PCDHA2: variants seen among roughly 807,000 people sequenced by gnomAD.
PCDHA2 encodes protocadherin alpha-2.
Under a neutral mutation model 66.0 loss-of-function variants are expected in PCDHA2, and 58 were observed. The ratio of observed to expected loss-of-function variants is 0.88; its 90% CI spans 0.71 to 1.09. PCDHA2 has a LOEUF of 1.09. PCDHA2 is among the 50% of genes least tolerant of loss of function. The pLI is 0.00. For synonymous variants in PCDHA2, 634 were observed against 554.0 expected (o/e 1.14, Z -2.03); for missense variants, 1,267 against 1,242.3 (o/e 1.02, Z -0.30).
At chr5:140,808,056 AATCCAAGTTTCACATAG>A in intron 1 of PCDHA2, 1 of 1,614,090 alleles carries the variant, frequency 6.2e-7, no homozygotes, top group South Asian at 1.1e-5. Flanking sequence ...CCAAATGTGA[AATCCAAGTTTCACATAG>A]ATCCAATTAC....
intron 1 of PCDHA2, chr5:140,928,126 C>T (rs782461261): frequency 1.2e-6 from 2 of 1,614,176 alleles, no homozygotes; most frequent in Non-Finnish European, 1.7e-6. Context: ...CAGTGAATAC[C>T]AAGTCCTGAT....
chr5:140,827,921 A>G (rs2150149765), intron 1 of PCDHA2: 1 of 938,742 alleles, frequency 1.1e-6, no homozygotes, highest in East Asian at 2.4e-5. Context: ...GTCGCTGTCT[A>G]CCATGAAGTT....
chr5:140,864,489 A>C (rs1194272327), intron 1 of PCDHA2: 1 of 152,184 alleles, frequency 6.6e-6, no homozygotes, highest in Admixed American at 6.5e-5. Flanking sequence ...CAGTGGGTGG[A>C]ATTTTAGCCT....
chr5:140,946,806 T>A (rs965284033), intron 1 of PCDHA2, among the ~76,000 whole-genome samples: 20 of 151,184 alleles, frequency 1.3e-4, no homozygotes, highest in African/African-American at 4.6e-4. Context: ...GCAGAGAGTA[T>A]AACAGTGATT....
At chr5:140,997,335 A>G (rs2097768018) in intron 3 of PCDHA2, among the ~76,000 whole-genome samples, 1 of 152,230 alleles carries the variant, frequency 6.6e-6, no homozygotes, top group African/African-American at 2.4e-5. Context: ...TTCGTTGTAC[A>G]AATATCATAG....
At chr5:140,854,870 CTG>C (rs2043251909) in intron 1 of PCDHA2, among the ~76,000 whole-genome samples, 1 of 149,668 alleles carries the variant, frequency 6.7e-6, no homozygotes, top group African/African-American at 2.4e-5. Flanking sequence ...TATTTCAGAA[CTG>C]TGTCTTTTGG....
intron 1 of PCDHA2, chr5:140,857,099 G>C (rs2044359336): frequency 1.9e-6 from 3 of 1,597,240 alleles, no homozygotes; most frequent in Non-Finnish European, 2.6e-6. Context: ...TGAGGTGATT[G>C]TCACTTCTCT....
chr5:140,965,260 G>A (rs1188138728), intron 1 of PCDHA2, among the ~76,000 whole-genome samples: 1 of 152,202 alleles, frequency 6.6e-6, no homozygotes, highest in Non-Finnish European at 1.5e-5. Context: ...GAACTGAGCA[G>A]CAGAGGCAAT....
chr5:140,904,423 T>TTA (rs1304104435), intron 1 of PCDHA2, among the ~76,000 whole-genome samples: 1 of 151,090 alleles, frequency 6.6e-6, no homozygotes. Flanking sequence ...TACATATATT[T>TTA]TATATATATG....
At chr5:140,966,968 G>T in intron 1 of PCDHA2, 1 of 1,602,616 alleles carries the variant, frequency 6.2e-7, no homozygotes. Context: ...GCTGGGGCTT[G>T]AGCTGCGGCG....
At chr5:140,890,627 G>A (rs1562851697) in intron 1 of PCDHA2, among the ~76,000 whole-genome samples, 1 of 152,056 alleles carries the variant, frequency 6.6e-6, no homozygotes, top group Non-Finnish European at 1.5e-5. Flanking sequence ...AGAAAATTAA[G>A]CATGTATCCT....
At position 140,796,344 on chromosome 5, in the gene PCDHA2, C is replaced by T; in HGVS notation, c.1380C>T (p.Tyr460=). The T allele has an allele frequency of 6.2e-7, 1 of 1,611,278 alleles. No individual in the cohort carries two copies. The highest frequency in any genetic ancestry group is 1.7e-5 in the Admixed American group (1 of 59,786). ...CGCCGGCGTTCGCACAGCCTGAGTA[C>T]ACAGTATTCGTGAAGGAGAACAACC... ...DNAPAFAQPE[Y]TVFVKENNPP... Residue 460 remains tyrosine, a synonymous_variant, in exon 1 of 4, where the codon TAC becomes TAT. Transcript: ENST00000526136.
intron 1 of PCDHA2, among the ~76,000 whole-genome samples, chr5:140,907,645 T>C (rs2073515740): frequency 1.3e-5 from 2 of 152,328 alleles, no homozygotes; most frequent in South Asian, 4.1e-4. Flanking sequence ...TGCTGGCAAA[T>C]TGGGCACTCA....
At chr5:140,855,432 A>T (rs2043465166) in intron 1 of PCDHA2, among the ~76,000 whole-genome samples, 1 of 150,022 alleles carries the variant, frequency 6.7e-6, no homozygotes, top group Non-Finnish European at 1.5e-5. Context: ...TCTAGTGATG[A>T]CTAGATCTTC....
intron 1 of PCDHA2, among the ~76,000 whole-genome samples, chr5:140,920,909 C>A (rs2079923809): frequency 6.6e-6 from 1 of 151,058 alleles, no homozygotes; most frequent in Admixed American, 6.6e-5. Context: ...GTTCTCAAAT[C>A]AGTTCCAAGA....
At chr5:140,945,155 A>G (rs566867183) in intron 1 of PCDHA2, among the ~76,000 whole-genome samples, 22 of 152,284 alleles carry the variant, frequency 1.4e-4, no homozygotes, top group African/African-American at 5.3e-4. Context: ...TCTATACACT[A>G]TTGAACTATC....
chr5:140,911,827 A>C (rs2075655305), intron 1 of PCDHA2, among the ~76,000 whole-genome samples: 1 of 152,162 alleles, frequency 6.6e-6, no homozygotes, highest in African/African-American at 2.4e-5. Context: ...GAAACCCCAA[A>C]ACCAATGAAA....
intron 1 of PCDHA2, among the ~76,000 whole-genome samples, chr5:140,819,153 C>T (rs2150103261): frequency 8.5e-5 from 13 of 152,206 alleles, no homozygotes; most frequent in African/African-American, 3.1e-4. Context: ...AATTTTTATA[C>T]AGAATTAATT....
At chr5:140,852,737 C>A in intron 1 of PCDHA2, 1 of 983,808 alleles carries the variant, frequency 1.0e-6, no homozygotes, top group Non-Finnish European at 1.2e-6. Context: ...GTTTCATGTG[C>A]CATTTAAACT....
Sources: gnomAD v4.1 joint callset for allele counts (sites outside exome capture counted in the v4.1 genomes callset) on GRCh38, gnomAD v4.1.1 for gene constraint, MANE v1.5 for transcripts, NCBI Gene and HGNC (gene_info 2026-07-23, HGNC 2026-07-21) for gene names.